SEZ6L: variants seen among roughly 807,000 people sequenced by gnomAD.
The protein encoded by SEZ6L is seizure 6-like protein.
Under a neutral mutation model 106.2 loss-of-function variants are expected in SEZ6L, and 37 were observed. That is an observed-to-expected ratio of 0.35 (90% CI 0.27 to 0.46). SEZ6L has a LOEUF of 0.46. Ranked by LOEUF, SEZ6L falls within the 20% of genes least tolerant of loss-of-function variation. SEZ6L has a pLI of 1.00. For missense variants in SEZ6L, 1,172 were observed against 1,332.8 expected, an observed-to-expected ratio of 0.88 and a Z score of 1.88; for synonymous variants, 541 against 570.4, an observed-to-expected ratio of 0.95 and a Z score of 0.73.
intron 1 of SEZ6L, among the ~76,000 whole-genome samples, chr22:26,189,309 G>A (rs1261675242): frequency 6.6e-6 from 1 of 152,146 alleles, no homozygotes; most frequent in Non-Finnish European, 1.5e-5. Context: ...TCCTGGCTGG[G>A]ATTTGCATCT....
At chr22:26,197,102 C>A (rs1042068107) in intron 1 of SEZ6L, among the ~76,000 whole-genome samples, 1 of 152,116 alleles carries the variant, frequency 6.6e-6, no homozygotes, top group Admixed American at 6.5e-5. Context: ...ACTTCTTTCA[C>A]ATCATCTTAT....
At chr22:26,226,989 G>A (rs554658556) in intron 1 of SEZ6L, among the ~76,000 whole-genome samples, 13 of 152,214 alleles carry the variant, frequency 8.5e-5, no homozygotes, top group African/African-American at 2.4e-4. Flanking sequence ...TTTGGTCCAC[G>A]TACCACAGAA....
chr22:26,357,504 GTGTTTC>G (rs1225925993), intron 12 of SEZ6L, among the ~76,000 whole-genome samples: 7 of 152,154 alleles, frequency 4.6e-5, no homozygotes, highest in Non-Finnish European at 1.0e-4. Flanking sequence ...AGGCCGGGTT[GTGTTTC>G]TGTCCTCAGA....
chr22:26,297,068 C>T lies in SEZ6L; in HGVS notation c.1150C>T (p.Leu384Phe). ...FQDDGLGTFQ[L>F]HYQAFMLSCN... ...GGACGACGGCCTTGGGACCTTCCAG[C>T]TTCACTACCAGGGTAGGGTCAGGCC... is the stretch of plus-strand genomic sequence containing the variant. The change falls in exon 4 of 17, where the codon CTT (leucine) becomes TTT (phenylalanine). Residue 384 changes from leucine to phenylalanine, a missense_variant. Transcript: ENST00000248933. 1 of 1,612,646 alleles carries T rather than the reference C, an allele frequency of 6.2e-7. No homozygotes were observed. Among genetic ancestry groups the T allele is most frequent in the Admixed American group, 1.7e-5 (1 of 59,918 alleles).
At chr22:26,176,241 C>T (rs1288677094) in intron 1 of SEZ6L, among the ~76,000 whole-genome samples, 1 of 152,208 alleles carries the variant, frequency 6.6e-6, no homozygotes, top group Non-Finnish European at 1.5e-5. Context: ...GGATTCAACC[C>T]CAGAACTTTT....
At chr22:26,305,889 TC>T (rs1556333530) in intron 5 of SEZ6L, 89 bp from the exon 6 acceptor site, 1 of 188,880 alleles carries the variant, frequency 5.3e-6, no homozygotes, top group South Asian at 6.6e-5. Flanking sequence ...CTCACTTCCT[TC>T]TCTCTCTCTC....
At chr22:26,250,798 T>G (rs562623255) in intron 1 of SEZ6L, among the ~76,000 whole-genome samples, 2 of 152,342 alleles carry the variant, frequency 1.3e-5, no homozygotes, top group African/African-American at 4.8e-5. Flanking sequence ...GAATATGGGA[T>G]GTCTTTCTAT....
intron 1 of SEZ6L, among the ~76,000 whole-genome samples, chr22:26,203,081 T>C (rs1490276174): frequency 6.6e-6 from 1 of 152,246 alleles, no homozygotes. Flanking sequence ...ACTGCAAATC[T>C]GTGCCTGCAA....
At chr22:26,221,741 C>T (rs1158639982) in intron 1 of SEZ6L, among the ~76,000 whole-genome samples, 2 of 30,466 alleles carry the variant, frequency 6.6e-5, no homozygotes, top group African/African-American at 1.8e-4. Context: ...CACACGCGTG[C>T]ACACACACAC....
chr22:26,252,268 A>T (rs1469077027), intron 1 of SEZ6L, among the ~76,000 whole-genome samples: 3 of 152,232 alleles, frequency 2.0e-5, no homozygotes, highest in Non-Finnish European at 4.4e-5. Context: ...GAAGTAATTT[A>T]GTTTTTCAGT....
At chr22:26,350,584 G>T (rs1289756930) in intron 11 of SEZ6L, among the ~76,000 whole-genome samples, 1 of 151,214 alleles carries the variant, frequency 6.6e-6, no homozygotes, top group Non-Finnish European at 1.5e-5. Context: ...TTTTCTCCTG[G>T]CCTATTCTCC....
chr22:26,196,851 C>A (rs751902628), intron 1 of SEZ6L, among the ~76,000 whole-genome samples: 3 of 152,132 alleles, frequency 2.0e-5, no homozygotes, highest in Non-Finnish European at 4.4e-5. Flanking sequence ...AAGGACGTCT[C>A]CCAGGTTACT....
At chr22:26,355,845 C>G (rs1242165608) in intron 12 of SEZ6L, among the ~76,000 whole-genome samples, 1 of 152,200 alleles carries the variant, frequency 6.6e-6, no homozygotes, top group Non-Finnish European at 1.5e-5. Context: ...GACTGAAAGC[C>G]ATATCTTTTT....
intron 10 of SEZ6L, among the ~76,000 whole-genome samples, chr22:26,341,093 C>A (rs1053184290): frequency 6.6e-6 from 1 of 152,190 alleles, no homozygotes; most frequent in Admixed American, 6.5e-5. Flanking sequence ...CCTTCTTGCC[C>A]GAACTGAAGC....
At chr22:26,376,559 T>C (rs983255070) in intron 15 of SEZ6L, among the ~76,000 whole-genome samples, 4 of 151,926 alleles carry the variant, frequency 2.6e-5, no homozygotes, top group Non-Finnish European at 4.4e-5. Flanking sequence ...CTGGCCAACG[T>C]GGTGGAACCC....
At chr22:26,349,030 A>G (rs966492710) in intron 11 of SEZ6L, among the ~76,000 whole-genome samples, 3 of 152,186 alleles carry the variant, frequency 2.0e-5, no homozygotes, top group Non-Finnish European at 4.4e-5. Context: ...ATTGGAATGA[A>G]CATGAACTAG....
chr22:26,218,345 C>T (rs1441577573), intron 1 of SEZ6L, among the ~76,000 whole-genome samples: 1 of 152,074 alleles, frequency 6.6e-6, no homozygotes, highest in Non-Finnish European at 1.5e-5. Flanking sequence ...GCTATCAACC[C>T]GTCATCTAGG....
chr22:26,314,095 C>CAGAG (rs796066126), intron 9 of SEZ6L, among the ~76,000 whole-genome samples, 193 bp downstream of exon 9: 7,737 of 136,194 alleles, frequency 0.057, 212 homozygotes, highest in African/African-American at 0.082. Flanking sequence ...CACACACACA[C>CAGAG]AGAGAGAGAG....
At chr22:26,314,389 T>G (rs1484096447) in intron 9 of SEZ6L, among the ~76,000 whole-genome samples, 2 of 152,164 alleles carry the variant, frequency 1.3e-5, no homozygotes, top group Non-Finnish European at 2.9e-5. Flanking sequence ...AGCATCTCAT[T>G]TTCAAAGGAC....
Sources: gnomAD v4.1 joint callset for allele counts (sites outside exome capture counted in the v4.1 genomes callset) on GRCh38, gnomAD v4.1.1 for gene constraint, MANE v1.5 for transcripts, NCBI Gene and HGNC (gene_info 2026-07-23, HGNC 2026-07-21) for gene names.